VPS13B: variants seen among roughly 807,000 people sequenced by gnomAD.
VPS13B encodes the protein intermembrane lipid transfer protein VPS13B.
VPS13B carries 285 observed loss-of-function variants against 426.4 expected under a neutral mutation model. The ratio of observed to expected loss-of-function variants is 0.67; its 90% CI spans 0.61 to 0.74. The LOEUF is 0.74. Ranked by LOEUF, VPS13B falls within the 30% of genes least tolerant of loss-of-function variation. The pLI is 0.00. For missense variants in VPS13B, 4,537 were observed against 4,782.6 expected (o/e 0.95, Z 1.51); for synonymous variants, 1,676 against 1,676.4 (o/e 1.00, Z 0.01).
intron 23 of VPS13B, among the ~76,000 whole-genome samples, chr8:99,448,051 A>T (rs1201762311): frequency 6.6e-6 from 1 of 151,702 alleles, no homozygotes; most frequent in Non-Finnish European, 1.5e-5. Flanking sequence ...TACATCAAGA[A>T]TGACTTAGGA....
At position 99,757,050 on chromosome 8, in the gene VPS13B, G is replaced by C. The variant is rs150775087; in HGVS notation, c.7051-9724G>C. On this transcript the variant is annotated intron_variant, in intron 39 of 61. Coordinates refer to ENST00000357162, the MANE Select transcript of VPS13B (RefSeq NM_152564.5). ...TCTGTAAATTTGTATCTTGTAGAGG[G>C]CTATTCAAAGGGTAGTTTCTTCTAC... Among the ~76,000 whole-genome samples, 37 of 152,232 alleles carry C rather than the reference G, an allele frequency of 2.4e-4. 1 individual carries two copies. The highest frequency in any genetic ancestry group is 8.7e-4 in the African/African-American group (36 of 41,544).
chr8:99,550,463 C>T (rs1824222502), intron 30 of VPS13B, among the ~76,000 whole-genome samples: 1 of 150,552 alleles, frequency 6.6e-6, no homozygotes, highest in Non-Finnish European at 1.5e-5. Context: ...ATTCATTTAA[C>T]TATTTAATCT....
intron 30 of VPS13B, among the ~76,000 whole-genome samples, chr8:99,531,370 G>C (rs1353449514): frequency 6.6e-6 from 1 of 152,052 alleles, no homozygotes; most frequent in Non-Finnish European, 1.5e-5. Context: ...TATTTACATA[G>C]ATGTTGTATC....
At chr8:99,366,376 G>A (rs894232463) in intron 19 of VPS13B, among the ~76,000 whole-genome samples, 1 of 152,006 alleles carries the variant, frequency 6.6e-6, no homozygotes, top group Non-Finnish European at 1.5e-5. Flanking sequence ...ATCTTGAAAT[G>A]TATTTTGTCG....
intron 31 of VPS13B, among the ~76,000 whole-genome samples, chr8:99,564,882 G>A (rs1041790576): frequency 3.3e-5 from 5 of 152,160 alleles, no homozygotes; most frequent in African/African-American, 4.8e-5. Context: ...CTCAGACCTC[G>A]TAGGCTTGTG....
At chr8:99,856,846 A>T (rs1816574335) in intron 56 of VPS13B, among the ~76,000 whole-genome samples, 1 of 152,112 alleles carries the variant, frequency 6.6e-6, no homozygotes, top group Non-Finnish European at 1.5e-5. Context: ...ATCTCCAAAA[A>T]CATAAAAAAT....
chr8:99,045,094 C>T (rs1031112164), intron 3 of VPS13B, among the ~76,000 whole-genome samples: 18 of 152,144 alleles, frequency 1.2e-4, no homozygotes, highest in African/African-American at 3.4e-4. Context: ...CTGGATCAAA[C>T]GGTAGTTCTG....
chr8:99,853,649 G>A lies in VPS13B; in HGVS notation c.10260G>A (p.Val3420=), dbSNP rs200788631. The A allele has an allele frequency of 1.2e-6, 2 of 1,614,160 alleles. No individual in the cohort carries two copies. Among genetic ancestry groups the A allele is most frequent in the East Asian group, 2.2e-5 (1 of 44,872 alleles). The change falls in exon 56 of 62, where the codon GTG becomes GTA. Residue 3420 remains valine, a synonymous_variant. Coordinates refer to ENST00000357162, the MANE Select transcript of VPS13B (RefSeq NM_152564.5). The stretch of plus-strand genomic sequence containing the variant: ...CTGCGTTGTTTGAACTTTACTGTGT[G>A]GAGATCTGCTGTGGGGACCTGCAGC... ...PVAALFELYC[V]EICCGDLQLD...
intron 3 of VPS13B, among the ~76,000 whole-genome samples, chr8:99,091,153 C>T (rs1846125492): frequency 1.3e-5 from 2 of 152,086 alleles, no homozygotes; most frequent in Non-Finnish European, 2.9e-5. Flanking sequence ...GAAAAGAAGG[C>T]AGAGGAGAGA....
intron 40 of VPS13B, among the ~76,000 whole-genome samples, chr8:99,768,247 T>C (rs1171207151): frequency 6.6e-6 from 1 of 152,194 alleles, no homozygotes; most frequent in Admixed American, 6.5e-5. Flanking sequence ...ATTCCTTTTA[T>C]GTAATACCTT....
chr8:99,066,056 C>A (rs552732743), intron 3 of VPS13B, among the ~76,000 whole-genome samples: 1 of 152,248 alleles, frequency 6.6e-6, no homozygotes, highest in South Asian at 2.1e-4. Context: ...GAATCAATAT[C>A]GTGAAAATGG....
In VPS13B at chr8:99,778,886, C is replaced by T. The variant is rs1413795857; in HGVS notation, c.7634C>T (p.Pro2545Leu). The change falls in exon 42 of 62, where the codon CCC becomes CTC. Residue 2545 changes from proline (P) to leucine (L), a missense_variant. Physicochemically the swap from Pro to Leu is moderately conservative, Grantham distance 98. Transcript: ENST00000357162. ...RNVTMQSVVKPFSIFGQMAVS... is the reference protein window; with the variant it reads ...RNVTMQSVVKLFSIFGQMAVS... ...GTCACTATGCAAAGTGTGGTGAAAC[C>T]CTTCAGCATCTTCGGGCAGATGGCA... The T allele has an allele frequency of 6.2e-7, 1 of 1,613,948 alleles. No individual in the cohort carries two copies. The highest frequency in any genetic ancestry group is 1.3e-5 in the African/African-American group (1 of 75,022).
chr8:99,870,740 T>C (rs1362274831), intron 59 of VPS13B, 45 bp from the exon 60 acceptor site: 2 of 1,580,510 alleles, frequency 1.3e-6, no homozygotes, highest in Admixed American at 1.7e-5. Context: ...TGAAACTGTT[T>C]TCCAGAAAAC....
At chr8:99,016,317 A>G (rs996636984) in intron 2 of VPS13B, among the ~76,000 whole-genome samples, 1 of 152,218 alleles carries the variant, frequency 6.6e-6, no homozygotes, top group Non-Finnish European at 1.5e-5. Flanking sequence ...AAGTGGTTAT[A>G]TCAATTCCAG....
intron 19 of VPS13B, among the ~76,000 whole-genome samples, chr8:99,295,955 C>T (rs1293690056): frequency 1.3e-5 from 2 of 152,116 alleles, no homozygotes; most frequent in African/African-American, 4.8e-5. Flanking sequence ...AGCACTTGAA[C>T]TCAGGAGGTC....
At chr8:99,720,814 G>T in intron 38 of VPS13B, 49 bp from the exon 39 acceptor site, 1 of 1,530,348 alleles carries the variant, frequency 6.5e-7, no homozygotes. Flanking sequence ...TTTCCCCTTT[G>T]TCATGTTCCC....
rs1844156422 is a variant in VPS13B at position 99,061,047 on chromosome 8, C to T, written c.291+22481C>T. Among the ~76,000 whole-genome samples the T allele has an allele frequency of 9.9e-5, 15 of 152,206 alleles. 1 individual carries two copies. The South Asian group carries it at 3.1e-3, about 32-fold the overall frequency. On this transcript the variant is annotated intron_variant, in intron 3 of 61. Transcript: ENST00000357162. ...CACTATAATTTATGTCTAAATGCTGCAAACTGAAAGAACCTTAGTTTGAAA... is the reference window on the plus strand; with the variant it reads ...CACTATAATTTATGTCTAAATGCTGTAAACTGAAAGAACCTTAGTTTGAAA...
rs964605853 is a variant in VPS13B at position 99,520,537 on chromosome 8, A to C, written c.4634-362A>C. ...TGTAGACAACAATGAAGTATTAAGA[A>C]CCCAAAGCTGAAAAGCATTTAGGAG... On this transcript the variant is annotated intron_variant, in intron 29 of 61. Coordinates refer to ENST00000357162, the MANE Select transcript of VPS13B (RefSeq NM_152564.5). Among the ~76,000 whole-genome samples, 9 of 152,102 alleles carry C rather than the reference A, an allele frequency of 5.9e-5. No individual in the cohort carries two copies. In the East Asian group the frequency reaches 1.5e-3, roughly 26 times the overall value.
At position 99,604,842 on chromosome 8, in the gene VPS13B, G is replaced by T. The variant is rs189312663; in HGVS notation, c.5220+27209G>T. Among the ~76,000 whole-genome samples, 252 of 152,166 alleles carry T rather than the reference G, an allele frequency of 1.7e-3. 1 individual carries two copies. The highest frequency in any genetic ancestry group is 3.0e-3 in the Non-Finnish European group (207 of 67,988). The stretch of plus-strand genomic sequence containing the variant: ...ATTTTGTAGAATGTCTTTTAATTTG[G>T]ATTTGTCTGATGTTAAGGGAGGAGT... On this transcript the variant is annotated intron_variant, in intron 33 of 61. Coordinates refer to ENST00000357162, the MANE Select transcript of VPS13B (RefSeq NM_152564.5).
Sources: allele counts gnomAD v4.1 joint callset (sites outside exome capture counted in the v4.1 genomes callset), GRCh38; gene constraint gnomAD v4.1.1; transcripts MANE v1.5; gene names NCBI Gene and HGNC (gene_info 2026-07-23, HGNC 2026-07-21).